Variants in BRINP1 observed in about 807,000 individuals in gnomAD.
The protein encoded by BRINP1 is BMP/retinoic acid-inducible neural-specific protein 1.
BRINP1 carries 17 observed loss-of-function variants against 72.9 expected under a neutral mutation model. The ratio of observed to expected loss-of-function variants is 0.23; its 90% confidence interval spans 0.16 to 0.35. The LOEUF (loss-of-function observed/expected upper bound fraction) is 0.35, where lower values mean the gene tolerates loss of function less well. Among genes scored for constraint, BRINP1 ranks in the 10% least tolerant of loss-of-function variants. BRINP1 has a pLI of 1.00. For synonymous variants in BRINP1, 418 were observed against 378.5 expected (o/e 1.10, Z -1.21); for missense variants, 850 against 1,001.6 (o/e 0.85, Z 2.04).
At chr9:119,347,330 C>T (rs2119029382) in intron 1 of BRINP1, among the ~76,000 whole-genome samples, 1 of 152,086 alleles carries the variant, frequency 6.6e-6, no homozygotes, top group East Asian at 1.9e-4. Flanking sequence ...AGCTATGGGG[C>T]CCACTGTCTA....
At chr9:119,259,756 A>G (rs1430852419) in intron 2 of BRINP1, among the ~76,000 whole-genome samples, 1 of 152,198 alleles carries the variant, frequency 6.6e-6, no homozygotes, top group African/African-American at 2.4e-5. Flanking sequence ...ATGGAAACAC[A>G]GGGACTCTGA....
chr9:119,233,146 C>A (rs79308395), intron 5 of BRINP1, among the ~76,000 whole-genome samples: 1,628 of 152,054 alleles, frequency 0.011, 27 homozygotes, highest in African/African-American at 0.036. Context: ...TAGCCTTCTG[C>A]AGAATCTGCC....
intron 2 of BRINP1, among the ~76,000 whole-genome samples, chr9:119,277,803 A>C (rs891182819): frequency 6.6e-6 from 1 of 152,174 alleles, no homozygotes; most frequent in Non-Finnish European, 1.5e-5. Flanking sequence ...GGCAGTAAGT[A>C]TGGCATCTAT....
intron 1 of BRINP1, among the ~76,000 whole-genome samples, chr9:119,315,315 T>G (rs1360989419): frequency 8.5e-5 from 13 of 152,208 alleles, no homozygotes; most frequent in Non-Finnish European, 5.9e-5. Context: ...TTGATAATTA[T>G]CAAAATATTT....
chr9:119,312,764 C>T (rs890575475), intron 2 of BRINP1, among the ~76,000 whole-genome samples: 1 of 152,160 alleles, frequency 6.6e-6, no homozygotes, highest in Admixed American at 6.6e-5. Context: ...CCAACCACTT[C>T]TAACTATATG....
chr9:119,253,184 A>G (rs1222870404), intron 2 of BRINP1, among the ~76,000 whole-genome samples: 5 of 152,188 alleles, frequency 3.3e-5, no homozygotes, highest in Non-Finnish European at 5.9e-5. Flanking sequence ...GAAGGTATTA[A>G]ACTATAATGT....
rs1431261497 is a variant in BRINP1, at chr9:119,173,945, C to G, written c.1146-5721G>C. ...AAACTGGCTAGCCATATGTAGAAAG[C>G]TGAAACTGGATCCCTTCCTTACACC... On this transcript the variant is annotated intron_variant, in intron 7 of 7. Transcript: ENST00000265922. 1.7e-4 allele frequency among the ~76,000 whole-genome samples: 22 copies of G among 127,042 alleles called. 1 individual carries two copies. The highest frequency in any genetic ancestry group is 6.3e-4 in the African/African-American group (14 of 22,238). 83.3% of individuals were successfully genotyped at this position (127,042 alleles called of 152,430 possible). A position where few individuals can be genotyped will look rare whatever the true frequency, so the allele number is the denominator to read the frequency against.
chr9:119,209,022 T>C lies in BRINP1; in HGVS notation c.923-81A>G, dbSNP rs1291250351. ...AGTGGCCTTGAATGCTTAGTGTCAC[T>C]TTCCAATAAACCAGGCCTGCAAACA... On this transcript the variant is annotated intron_variant, in intron 6 of 7. Transcript: ENST00000265922. The C allele has an allele frequency of 1.4e-5, 16 of 1,165,186 alleles. No individual in the cohort carries two copies. In the Middle Eastern group the frequency reaches 1.5e-3, roughly 108 times the overall value. The allele number at this position is 1,165,186 out of a possible 1,614,324, so 72.2% of individuals were successfully genotyped here.
At chr9:119,228,576 T>C (rs10984451) in intron 5 of BRINP1, among the ~76,000 whole-genome samples, 52,879 of 151,832 alleles carry the variant, frequency 0.35, 11,564 homozygotes, top group East Asian at 0.67. Flanking sequence ...TGTATGTGCA[T>C]GTGTGCATGC....
chr9:119,203,763 T>C (rs1383484899), intron 7 of BRINP1, among the ~76,000 whole-genome samples: 1 of 152,310 alleles, frequency 6.6e-6, no homozygotes, highest in East Asian at 1.9e-4. Context: ...GCTCAGTAAG[T>C]AACTGCTATT....
At chr9:119,285,687 T>C (rs926348123) in intron 2 of BRINP1, among the ~76,000 whole-genome samples, 3 of 152,196 alleles carry the variant, frequency 2.0e-5, no homozygotes, top group African/African-American at 7.2e-5. Flanking sequence ...CCTCATTCTT[T>C]CTATTTACCC....
intron 2 of BRINP1, among the ~76,000 whole-genome samples, chr9:119,298,519 A>G (rs1830904931): frequency 6.6e-6 from 1 of 151,644 alleles, no homozygotes; most frequent in Non-Finnish European, 1.5e-5. Context: ...CTTTCAGAGT[A>G]TTCTCTCAAG....
intron 3 of BRINP1, among the ~76,000 whole-genome samples, chr9:119,242,457 A>T (rs947427034): frequency 6.6e-6 from 1 of 152,188 alleles, no homozygotes; most frequent in African/African-American, 2.4e-5. Flanking sequence ...GCCCCTAATA[A>T]TTGACTTCAT....
intron 7 of BRINP1, among the ~76,000 whole-genome samples, chr9:119,169,816 C>G (rs926071953): frequency 1.3e-5 from 2 of 151,804 alleles, no homozygotes; most frequent in African/African-American, 4.8e-5. Flanking sequence ...CAAGTGGGTC[C>G]CTGACCCCTG....
intron 1 of BRINP1, among the ~76,000 whole-genome samples, chr9:119,320,774 C>A (rs1050922180): frequency 2.0e-5 from 3 of 152,180 alleles, no homozygotes; most frequent in Non-Finnish European, 4.4e-5. Context: ...GTTGCATTTC[C>A]ATCTCCCACA....
At chr9:119,209,473 C>G (rs946583387) in intron 6 of BRINP1, among the ~76,000 whole-genome samples, 9 of 151,820 alleles carry the variant, frequency 5.9e-5, no homozygotes, top group African/African-American at 2.2e-4. Flanking sequence ...GAGGCTGAGG[C>G]AGGAGAATCG....
At chr9:119,305,423 T>A (rs774726748) in intron 2 of BRINP1, among the ~76,000 whole-genome samples, 7 of 152,222 alleles carry the variant, frequency 4.6e-5, no homozygotes, top group Non-Finnish European at 8.8e-5. Context: ...TCAAATTTCT[T>A]TTGTTGTTGG....
At chr9:119,247,450 A>C (rs1005568967) in intron 3 of BRINP1, among the ~76,000 whole-genome samples, 2 of 152,016 alleles carry the variant, frequency 1.3e-5, no homozygotes, top group African/African-American at 4.8e-5. Flanking sequence ...CAGGAGATCA[A>C]GACCATCCTG....
intron 2 of BRINP1, 72 bp downstream of exon 2, chr9:119,313,066 G>C (rs769629468): frequency 6.6e-7 from 1 of 1,510,570 alleles, no homozygotes; most frequent in African/African-American, 1.4e-5. Flanking sequence ...AGCAAGGTTT[G>C]CACCAATCAA....
Sources: allele counts gnomAD v4.1 joint callset (sites outside exome capture counted in the v4.1 genomes callset), GRCh38; gene constraint gnomAD v4.1.1; transcripts MANE v1.5; gene names NCBI Gene and HGNC (gene_info 2026-07-23, HGNC 2026-07-21).